The following SPIB variants were observed in gnomAD, a reference collection of about 807,000 sequenced individuals.
The protein encoded by SPIB is Spi-B transcription factor.
A neutral mutation model predicts 31.9 loss-of-function variants in SPIB; 7 were observed. The observed-to-expected ratio is 0.22, with a 90% CI of 0.12 to 0.41. SPIB has a LOEUF of 0.41. Among genes scored for constraint, SPIB ranks in the 10% least tolerant of loss-of-function variants. SPIB has a pLI of 1.00. For missense variants in SPIB, 327 were observed against 360.2 expected, an observed-to-expected ratio of 0.91 and a Z score of 0.75; for synonymous variants, 176 against 158.9, an observed-to-expected ratio of 1.11 and a Z score of -0.81.
chr19:50,420,196 C>A (rs1419671400), intron 2 of SPIB, among the ~76,000 whole-genome samples: 6 of 152,186 alleles, frequency 3.9e-5, no homozygotes, highest in Admixed American at 3.9e-4. Flanking sequence ...TCTCTCTGCC[C>A]ATCCCATATT....
intron 5 of SPIB, among the ~76,000 whole-genome samples, chr19:50,425,658 C>T (rs539203325): frequency 2.6e-4 from 39 of 152,234 alleles, no homozygotes; most frequent in African/African-American, 9.4e-4. Flanking sequence ...CCAGGCTGAA[C>T]TCCCAACTCC....
intron 3 of SPIB, 53 bp from the exon 4 acceptor site, chr19:50,422,770 C>A: frequency 7.9e-7 from 1 of 1,269,666 alleles, no homozygotes; most frequent in Non-Finnish European, 1.1e-6. Context: ...GCTTCGACTG[C>A]GAGGAGGCCT....
intron 3 of SPIB, 122 bp downstream of exon 3, chr19:50,422,667 C>T (rs1020894832): frequency 8.4e-7 from 1 of 1,189,482 alleles, no homozygotes; most frequent in Non-Finnish European, 1.2e-6. Context: ...GCCTATAGCC[C>T]TCCTCCCCTT....
In SPIB at chr19:50,423,096, G is replaced by A. The variant is rs908871577; in HGVS notation, c.339+59G>A. 22 of 849,560 alleles carry A rather than the reference G, an allele frequency of 2.6e-5. No individual in the cohort carries two copies. In the African/African-American group the frequency reaches 3.1e-4, roughly 12 times the overall value. The allele number at this position is 849,560 out of a possible 1,614,324, so 52.6% of individuals were successfully genotyped here. On this transcript the variant is annotated intron_variant, in intron 4 of 5. Transcript: ENST00000595883. ...AAACCAGGTGTGGTGGTGCACGCCT[G>A]TAATCCCAGCTGCTTGAGAGGCTGA...
intron 5 of SPIB, among the ~76,000 whole-genome samples, chr19:50,426,684 C>T (rs57005972): frequency 0.011 from 1,726 of 151,942 alleles, 31 homozygotes; most frequent in African/African-American, 0.039. Context: ...TAGTAGAAAC[C>T]GGGTTTCATC....
intron 1 of SPIB, 70 bp from the exon 2 acceptor site, chr19:50,419,875 GC>G: frequency 6.7e-7 from 1 of 1,486,600 alleles, no homozygotes; most frequent in Non-Finnish European, 9.0e-7. Flanking sequence ...CTCCCCATCA[GC>G]CCCCAACCAC....
chr19:50,420,986 C>T (rs896544763), intron 2 of SPIB, among the ~76,000 whole-genome samples: 1 of 152,222 alleles, frequency 6.6e-6, no homozygotes, highest in Non-Finnish European at 1.5e-5. Context: ...TGGGGTCTGG[C>T]TTCCCTCACT....
In SPIB at chr19:50,428,015, G is replaced by A. The variant is rs2039590573; in HGVS notation, c.491-23G>A. On this transcript the variant is annotated intron_variant, in intron 5 of 5. Coordinates refer to ENST00000595883, the MANE Select transcript of SPIB (RefSeq NM_003121.5). This position sits in a 1 kb window ranked among gnomAD's most constrained non-coding sequence, Gnocchi z 6.5. ...GGGCCTTAGGGACCCCTCACCTAAC[G>A]CGTGCCCCCGACCCCACCGCAGGGA... 6 of 1,480,986 alleles carry A rather than the reference G, an allele frequency of 4.1e-6. No individual in the cohort carries two copies. Among genetic ancestry groups the A allele is most frequent in the Non-Finnish European group, 5.4e-6 (6 of 1,109,076 alleles). 91.7% of individuals were successfully genotyped at this position (1,480,986 alleles called of 1,614,324 possible). A position where few individuals can be genotyped will look rare whatever the true frequency, so the allele number is the denominator to read the frequency against.
chr19:50,420,041 C>T, intron 2 of SPIB, 68 bp downstream of exon 2: 1 of 1,317,772 alleles, frequency 7.6e-7, no homozygotes, highest in Non-Finnish European at 9.9e-7. Context: ...AAGTCATTTG[C>T]TTCCTGCCTC....
At chr19:50,421,563 T>C (rs2039495281) in intron 2 of SPIB, among the ~76,000 whole-genome samples, 1 of 151,888 alleles carries the variant, frequency 6.6e-6, no homozygotes, top group African/African-American at 2.4e-5. Context: ...CCTCATGATC[T>C]GCCTGCCTTG....
intron 5 of SPIB, among the ~76,000 whole-genome samples, chr19:50,426,714 C>T (rs976678980): frequency 2.0e-5 from 3 of 151,996 alleles, no homozygotes; most frequent in Non-Finnish European, 2.9e-5. Flanking sequence ...AGGCTTGTCT[C>T]GAACTCCTGA....
rs753927123 is a variant in SPIB at position 50,419,999 on chromosome 19, GGAGGGGT to G, written c.51+28_51+34del. ...GTGAGTTGGGGCCCCTGGGGGCCAG[GGAGGGGT>G]GGCCCACAGTGACCTCCCTCAGAGA... is the stretch of plus-strand genomic sequence containing the variant. On this transcript the variant is annotated intron_variant, in intron 2 of 5. Transcript: ENST00000595883. 3.5e-6 allele frequency: 5 copies of G among 1,448,752 alleles called. No homozygotes were observed. The Admixed American group carries it at 1.2e-4, about 35-fold the overall frequency. 89.7% of individuals were successfully genotyped at this position (1,448,752 alleles called of 1,614,324 possible).
At position 50,430,911 on chromosome 19, in the gene SPIB, G is replaced by A. The variant is rs1409392180; in HGVS notation, c.*2575G>A. ...AGCCCAGGCTGGGACCTGCCCTTAA[G>A]AGAATGAGTGGGAAGGGGGAGGGAG... On this transcript the variant is annotated 3_prime_UTR_variant, in exon 6 of 6. Coordinates refer to ENST00000595883, the MANE Select transcript of SPIB (RefSeq NM_003121.5). The A allele has an allele frequency of 6.6e-6, 1 of 152,274 alleles. No individual in the cohort carries two copies. The highest frequency in any genetic ancestry group is 2.4e-5 in the African/African-American group (1 of 41,440). The allele number at this position is 152,274 out of a possible 1,614,324, so 9.4% of individuals were successfully genotyped here.
At chr19:50,427,429 G>A (rs1389124327) in intron 5 of SPIB, among the ~76,000 whole-genome samples, 1 of 152,236 alleles carries the variant, frequency 6.6e-6, no homozygotes, top group Non-Finnish European at 1.5e-5. Flanking sequence ...GGAGGCTGAG[G>A]CAGCAGAATT....
chr19:50,426,974 A>C (rs1161904475), intron 5 of SPIB, among the ~76,000 whole-genome samples: 2 of 150,924 alleles, frequency 1.3e-5, no homozygotes, highest in African/African-American at 4.9e-5. Context: ...TACAAAAAAT[A>C]AAACAATTAG....
intron 2 of SPIB, among the ~76,000 whole-genome samples, 183 bp from the exon 3 acceptor site, chr19:50,422,290 T>A (rs967924882): frequency 6.6e-6 from 1 of 152,182 alleles, no homozygotes; most frequent in Non-Finnish European, 1.5e-5. Context: ...CTACTCTCTG[T>A]ATCTCTGTCT....
At chr19:50,422,147 G>C (rs998308474) in intron 2 of SPIB, among the ~76,000 whole-genome samples, 1 of 152,186 alleles carries the variant, frequency 6.6e-6, no homozygotes, top group Non-Finnish European at 1.5e-5. Flanking sequence ...GGCAGGCAAG[G>C]CTGGGGGAGT....
chr19:50,420,710 C>T (rs545074039), intron 2 of SPIB, among the ~76,000 whole-genome samples: 1 of 152,236 alleles, frequency 6.6e-6, no homozygotes, highest in Non-Finnish European at 1.5e-5. Context: ...TCACTGCAAG[C>T]TCCACCTCCC....
Position 50,428,267 on chromosome 19 carries a change from C to G in SPIB, c.720C>G (p.Ile240Met). ...ALRNYAKTGE[I>M]RKVKRKLTYQ... is the part of the protein sequence containing the mutation. ...GAAACTACGCCAAGACCGGCGAGAT[C>G]CGCAAGGTCAAGCGCAAGCTCACCT... The change falls in exon 6 of 6, where the codon ATC becomes ATG. Residue 240 changes from isoleucine (I) to methionine (M), a missense_variant. Ile to Met is a conservative substitution (Grantham distance 10). Around this residue, in one of 4 missense-constraint regions of SPIB, gnomAD observed 10 missense variants for 38.8 expected, o/e 0.26. Transcript: ENST00000595883. The surrounding 1 kb of genome is among the most constrained non-coding windows in gnomAD (Gnocchi z 6.5). The G allele has an allele frequency of 6.4e-7, 1 of 1,552,858 alleles. No individual in the cohort carries two copies. The highest frequency in any genetic ancestry group is 8.7e-7 in the Non-Finnish European group (1 of 1,147,724).
Sources: allele counts gnomAD v4.1 joint callset (sites outside exome capture counted in the v4.1 genomes callset), GRCh38; gene constraint gnomAD v4.1.1; regional missense constraint gnomAD v4.1.1; non-coding constraint Gnocchi (gnomAD v3.1); transcripts MANE v1.5; gene names NCBI Gene and HGNC (gene_info 2026-07-23, HGNC 2026-07-21).